KIAA1958: variants seen among roughly 807,000 people sequenced by gnomAD.
The protein encoded by KIAA1958 is uncharacterized protein KIAA1958.
Under a neutral mutation model 47.2 loss-of-function variants are expected in KIAA1958, and 14 were observed. That is an observed-to-expected ratio of 0.30 (90% CI 0.20 to 0.46). KIAA1958 has a LOEUF of 0.46. KIAA1958 is among the 20% of genes least tolerant of loss of function. The pLI is 1.00. For missense variants in KIAA1958, 803 were observed against 909.2 expected, an observed-to-expected ratio of 0.88 and a Z score of 1.50; for synonymous variants, 354 against 353.3, an observed-to-expected ratio of 1.00 and a Z score of -0.02.
At chr9:112,517,844 T>G (rs532775293) in intron 1 of KIAA1958, among the ~76,000 whole-genome samples, 10 of 152,302 alleles carry the variant, frequency 6.6e-5, no homozygotes, top group African/African-American at 2.4e-4. Flanking sequence ...TCGATGTCAT[T>G]GAAATGCAAA....
chr9:112,585,068 A>ACT (rs1460188306), intron 2 of KIAA1958, among the ~76,000 whole-genome samples: 1 of 152,234 alleles, frequency 6.6e-6, no homozygotes. Context: ...AGAAGGATTG[A>ACT]CTGAGGATCA....
At chr9:112,622,616 G>T (rs1000389310) in intron 2 of KIAA1958, among the ~76,000 whole-genome samples, 1 of 152,130 alleles carries the variant, frequency 6.6e-6, no homozygotes, top group Non-Finnish European at 1.5e-5. Flanking sequence ...AGCAATTTAG[G>T]ATATTTATAA....
At position 112,559,255 on chromosome 9, in the gene KIAA1958, T is replaced by C. The variant is rs542862931; in HGVS notation, c.-24-14802T>C. On this transcript the variant is annotated intron_variant, in intron 1 of 3. Transcript: ENST00000337530. ...GATATTAATTTGTATATTAATTGTC[T>C]GATAACCAGATCCACAGGGGTGAAG... Among the ~76,000 whole-genome samples, 21 of 152,302 alleles carry C rather than the reference T, an allele frequency of 1.4e-4. No homozygotes were observed. In the South Asian group the frequency reaches 3.9e-3, roughly 29 times the overall value.
chr9:112,648,952 C>T (rs1191068567), intron 3 of KIAA1958, among the ~76,000 whole-genome samples: 3 of 152,000 alleles, frequency 2.0e-5, no homozygotes, highest in Non-Finnish European at 4.4e-5. Flanking sequence ...GACATTAAAA[C>T]AGTTATTGTA....
chr9:112,624,100 A>G (rs1836560509), intron 2 of KIAA1958, among the ~76,000 whole-genome samples: 1 of 152,220 alleles, frequency 6.6e-6, no homozygotes, highest in South Asian at 2.1e-4. Flanking sequence ...CCTAGGGAGG[A>G]AAGTCAAGGG....
intron 1 of KIAA1958, among the ~76,000 whole-genome samples, chr9:112,558,886 T>C (rs1335964852): frequency 6.6e-6 from 1 of 152,198 alleles, no homozygotes; most frequent in East Asian, 1.9e-4. Context: ...ATTTGTATAT[T>C]ATATAACACT....
chr9:112,580,801 CAAAG>C (rs1255751759), intron 2 of KIAA1958, among the ~76,000 whole-genome samples: 7 of 150,606 alleles, frequency 4.6e-5, no homozygotes, highest in African/African-American at 7.3e-5. Context: ...AAAAAAAACA[CAAAG>C]AAAGAAACAA....
intron 2 of KIAA1958, among the ~76,000 whole-genome samples, chr9:112,630,853 C>T (rs975900320): frequency 1.3e-5 from 2 of 152,146 alleles, no homozygotes; most frequent in African/African-American, 4.8e-5. Flanking sequence ...AAACAATGAC[C>T]GTATTTTTGT....
chr9:112,504,510 C>T (rs1006233488), intron 1 of KIAA1958, among the ~76,000 whole-genome samples: 2 of 152,106 alleles, frequency 1.3e-5, no homozygotes, highest in Admixed American at 6.5e-5. Flanking sequence ...TTTTTAATCC[C>T]CTTATTTTAC....
At chr9:112,606,448 G>C (rs10817362) in intron 2 of KIAA1958, among the ~76,000 whole-genome samples, 79,121 of 151,986 alleles carry the variant, frequency 0.52, 20,703 homozygotes, top group Non-Finnish European at 0.56. Flanking sequence ...CCCATATTCA[G>C]TTTTTAAATG....
intron 2 of KIAA1958, among the ~76,000 whole-genome samples, chr9:112,613,333 G>A (rs929370194): frequency 3.3e-5 from 5 of 152,068 alleles, no homozygotes; most frequent in South Asian, 2.1e-4. Flanking sequence ...TCAAAAATAC[G>A]CAAGTCAGTT....
chr9:112,637,383 A>G (rs544051686), intron 2 of KIAA1958, among the ~76,000 whole-genome samples: 1 of 151,334 alleles, frequency 6.6e-6, no homozygotes, highest in African/African-American at 2.4e-5. Flanking sequence ...CTTTATTTTT[A>G]TTTTATTTTA....
chr9:112,592,585 G>A (rs1835942663), intron 2 of KIAA1958, among the ~76,000 whole-genome samples: 1 of 152,192 alleles, frequency 6.6e-6, no homozygotes, highest in African/African-American at 2.4e-5. Flanking sequence ...CTGATACGTA[G>A]TCAGTGATTG....
At chr9:112,643,269 T>C (rs1185454593) in intron 2 of KIAA1958, among the ~76,000 whole-genome samples, 2 of 152,194 alleles carry the variant, frequency 1.3e-5, no homozygotes, top group African/African-American at 4.8e-5. Flanking sequence ...ATTAACTCCA[T>C]AATTTAAACA....
chr9:112,594,151 C>T (rs1285963991), intron 2 of KIAA1958, among the ~76,000 whole-genome samples: 5 of 152,192 alleles, frequency 3.3e-5, no homozygotes, highest in African/African-American at 1.2e-4. Flanking sequence ...AGATGTGAAC[C>T]AGTGAGCCCA....
At chr9:112,636,388 A>T (rs1462807280) in intron 2 of KIAA1958, among the ~76,000 whole-genome samples, 1 of 152,014 alleles carries the variant, frequency 6.6e-6, no homozygotes, top group Non-Finnish European at 1.5e-5. Flanking sequence ...TTTATGTATC[A>T]ATTAAGTCCA....
intron 1 of KIAA1958, among the ~76,000 whole-genome samples, chr9:112,567,002 G>A (rs192721594): frequency 8.1e-4 from 123 of 152,192 alleles, no homozygotes; most frequent in African/African-American, 2.9e-3. Context: ...AAAATGAAAA[G>A]TGGTAAAAAC....
At chr9:112,659,041 AAAAG>A (rs1336297571) in intron 3 of KIAA1958, among the ~76,000 whole-genome samples, 17 of 135,592 alleles carry the variant, frequency 1.3e-4, no homozygotes, top group Non-Finnish European at 1.8e-4. Flanking sequence ...AAAAAAAAAA[AAAAG>A]AAAGAAAAGA....
At chr9:112,541,815 G>C (rs1834949845) in intron 1 of KIAA1958, among the ~76,000 whole-genome samples, 1 of 151,474 alleles carries the variant, frequency 6.6e-6, no homozygotes, top group Admixed American at 6.6e-5. Flanking sequence ...AAAAAAAAAA[G>C]AATAAAACAA....
Sources: allele counts gnomAD v4.1 joint callset (sites outside exome capture counted in the v4.1 genomes callset), GRCh38; gene constraint gnomAD v4.1.1; transcripts MANE v1.5; gene names NCBI Gene and HGNC (gene_info 2026-07-23, HGNC 2026-07-21).